The following MALRD1 variants were observed in gnomAD, a reference collection of about 807,000 sequenced individuals.
MALRD1 encodes MAM and LDL-receptor class A domain-containing protein 1.
A neutral mutation model predicts 242.1 loss-of-function variants in MALRD1; 247 were observed. That is an observed-to-expected ratio of 1.02 (90% confidence interval 0.92 to 1.13). The LOEUF is 1.13. MALRD1 is among the 50% of genes most tolerant of loss of function. The probability of loss-of-function intolerance (pLI) is 0.00; values close to 1 mark genes in which losing one functional copy is unlikely to be tolerated. For synonymous variants in MALRD1, 995 were observed against 866.6 expected, an observed-to-expected ratio of 1.15 and a Z score of -2.60; for missense variants, 2,989 against 2,533.1, an observed-to-expected ratio of 1.18 and a Z score of -3.86.
chr10:19,141,697 T>C (rs1833548388), intron 10 of MALRD1, among the ~76,000 whole-genome samples: 1 of 151,954 alleles, frequency 6.6e-6, no homozygotes, highest in South Asian at 2.1e-4. Flanking sequence ...GTTCAGGAAA[T>C]TCCATGAAAA....
intron 19 of MALRD1, among the ~76,000 whole-genome samples, chr10:19,258,053 T>C (rs1351075950): frequency 3.3e-5 from 5 of 152,130 alleles, no homozygotes; most frequent in South Asian, 2.1e-4. Flanking sequence ...TTCCATTATA[T>C]TTAAGGAGTT....
intron 36 of MALRD1, among the ~76,000 whole-genome samples, chr10:19,669,087 A>T (rs1841804120): frequency 6.6e-6 from 1 of 152,224 alleles, no homozygotes; most frequent in Non-Finnish European, 1.5e-5. Flanking sequence ...ATTCATGAAT[A>T]CTGAAAGAAT....
rs568406394 is a variant in MALRD1 at position 19,592,026 on chromosome 10, C to G, written c.5681-3168C>G. The stretch of plus-strand genomic sequence containing the variant: ...TCTTGGCTAAGAGACTACCTAGACT[C>G]TCTGTAGGAAGCAAAGTCATGTTCA... On this transcript the variant is annotated intron_variant, in intron 33 of 39. Transcript: ENST00000454679. Among the ~76,000 whole-genome samples, 5 of 152,308 alleles carry G rather than the reference C, an allele frequency of 3.3e-5. No homozygotes were observed. The East Asian group carries it at 7.7e-4, about 23-fold the overall frequency.
chr10:19,162,156 T>A (rs1384070811), intron 12 of MALRD1, among the ~76,000 whole-genome samples: 2 of 152,238 alleles, frequency 1.3e-5, no homozygotes, highest in African/African-American at 2.4e-5. Context: ...CACGATTTTG[T>A]AGTTATGCTC....
intron 18 of MALRD1, among the ~76,000 whole-genome samples, chr10:19,242,826 GGTAA>G (rs1209962670): frequency 2.6e-5 from 4 of 151,830 alleles, no homozygotes; most frequent in African/African-American, 9.7e-5. Context: ...TTAATAGTGA[GGTAA>G]GTATCATGTA....
chr10:19,430,335 G>GTC (rs1344122443), intron 28 of MALRD1, among the ~76,000 whole-genome samples: 2 of 151,392 alleles, frequency 1.3e-5, no homozygotes, highest in African/African-American at 4.9e-5. Context: ...AGCCAGGATG[G>GTC]TCTTGATTTG....
intron 20 of MALRD1, among the ~76,000 whole-genome samples, chr10:19,280,832 A>C (rs1324443711): frequency 6.6e-6 from 1 of 152,224 alleles, no homozygotes; most frequent in African/African-American, 2.4e-5. Flanking sequence ...GAGGAGAAAA[A>C]TTAATCTGTG....
intron 19 of MALRD1, among the ~76,000 whole-genome samples, chr10:19,275,676 A>T (rs1840482391): frequency 6.6e-6 from 1 of 152,112 alleles, no homozygotes; most frequent in Admixed American, 6.6e-5. Flanking sequence ...CTCAAAAAAT[A>T]AAAATAAAAA....
chr10:19,410,231 C>T (rs976780262), intron 28 of MALRD1, among the ~76,000 whole-genome samples: 2 of 151,990 alleles, frequency 1.3e-5, no homozygotes, highest in African/African-American at 4.8e-5. Flanking sequence ...TTTCATATTG[C>T]CTATATTATC....
At chr10:19,655,621 T>G (rs1841119513) in intron 36 of MALRD1, among the ~76,000 whole-genome samples, 1 of 148,278 alleles carries the variant, frequency 6.7e-6, no homozygotes, top group African/African-American at 2.5e-5. Context: ...ATAACATAAT[T>G]GCTTTGTGAG....
intron 19 of MALRD1, among the ~76,000 whole-genome samples, chr10:19,261,995 T>A (rs1272722635): frequency 6.6e-6 from 1 of 152,104 alleles, no homozygotes; most frequent in Non-Finnish European, 1.5e-5. Flanking sequence ...AGACCAAAAA[T>A]GTTATTAATA....
At chr10:19,597,591 A>G (rs936086272) in intron 34 of MALRD1, among the ~76,000 whole-genome samples, 3 of 152,212 alleles carry the variant, frequency 2.0e-5, no homozygotes, top group Admixed American at 6.5e-5. Flanking sequence ...TCATTCATTT[A>G]TTCACAAACC....
At chr10:19,300,475 T>A (rs1401399909) in intron 21 of MALRD1, among the ~76,000 whole-genome samples, 1 of 151,838 alleles carries the variant, frequency 6.6e-6, no homozygotes, top group Non-Finnish European at 1.5e-5. Flanking sequence ...AAAGCTACAG[T>A]AACTAAAATA....
chr10:19,483,908 A>G (rs974771859), intron 29 of MALRD1, among the ~76,000 whole-genome samples: 10 of 152,204 alleles, frequency 6.6e-5, no homozygotes, highest in Admixed American at 2.6e-4. Flanking sequence ...GAATAAAGAA[A>G]ATGTACATAT....
chr10:19,137,607 GAAAAA>G (rs34768480), intron 10 of MALRD1, among the ~76,000 whole-genome samples: 1 of 84,448 alleles, frequency 1.2e-5, no homozygotes, highest in Non-Finnish European at 2.3e-5. Flanking sequence ...GACTCCGTCT[GAAAAA>G]AAAAAAAAAA....
At chr10:19,513,882 A>G (rs1833516838) in intron 31 of MALRD1, among the ~76,000 whole-genome samples, 1 of 152,172 alleles carries the variant, frequency 6.6e-6, no homozygotes, top group South Asian at 2.1e-4. Flanking sequence ...CATTCAATTA[A>G]TTAATTCTTG....
At chr10:19,627,759 T>TA (rs553942713) in intron 36 of MALRD1, among the ~76,000 whole-genome samples, 1,104 of 55,726 alleles carry the variant, frequency 0.02, 24 homozygotes, top group African/African-American at 0.056. Flanking sequence ...CAAGACTGTC[T>TA]AAAAAAAAAA....
chr10:19,622,008 G>A (rs2131625447), intron 36 of MALRD1, among the ~76,000 whole-genome samples: 1 of 151,834 alleles, frequency 6.6e-6, no homozygotes, highest in Non-Finnish European at 1.5e-5. Flanking sequence ...TAAATTGATG[G>A]ATTTTTTTAA....
At chr10:19,393,878 C>T (rs1230687274) in intron 28 of MALRD1, among the ~76,000 whole-genome samples, 1 of 152,138 alleles carries the variant, frequency 6.6e-6, no homozygotes, top group Non-Finnish European at 1.5e-5. Context: ...TCTGTCTAGC[C>T]TCTACAAGAA....
Sources: allele counts gnomAD v4.1 joint callset (sites outside exome capture counted in the v4.1 genomes callset), GRCh38; gene constraint gnomAD v4.1.1; transcripts MANE v1.5; gene names NCBI Gene and HGNC (gene_info 2026-07-23, HGNC 2026-07-21).